Variants in ACTR3C observed in about 807,000 individuals in gnomAD.
ACTR3C encodes actin-related protein 3C.
A neutral mutation model predicts 26.3 loss-of-function variants in ACTR3C; 18 were observed. The observed-to-expected ratio is 0.68, with a 90% confidence interval of 0.47 to 1.01. ACTR3C has a LOEUF of 1.01. Ranked by LOEUF, ACTR3C falls within the 50% of genes least tolerant of loss-of-function variation. The pLI, the probability that ACTR3C is intolerant of heterozygous loss-of-function variation, is 0.00. For missense variants in ACTR3C, 184 were observed against 250.7 expected (o/e 0.73, Z 1.80); for synonymous variants, 55 against 94.5 (o/e 0.58, Z 2.42).
chr7:150,285,753 A>C (rs1178349378), intron 5 of ACTR3C, among the ~76,000 whole-genome samples: 1 of 152,238 alleles, frequency 6.6e-6, no homozygotes, highest in African/African-American at 2.4e-5. Flanking sequence ...AAATATAAAT[A>C]AAATGCATTA....
the ACTR3C span, among the ~76,000 whole-genome samples, chr7:150,041,946 C>T: frequency 4.7e-5 from 7 of 148,648 alleles, no homozygotes; most frequent in South Asian, 6.6e-4. Context: ...AGTAATCCCA[C>T]GTAAGGTACC....
chr7:150,152,397 T>C, the ACTR3C span, among the ~76,000 whole-genome samples: 1 of 152,200 alleles, frequency 6.6e-6, no homozygotes, highest in Non-Finnish European at 1.5e-5. Context: ...ATTGAGATAA[T>C]CATGTGGTTT....
the ACTR3C span, among the ~76,000 whole-genome samples, chr7:150,040,183 G>A: frequency 2.1e-3 from 304 of 148,082 alleles, 3 homozygotes; most frequent in South Asian, 0.022. Flanking sequence ...TTTGCTTCTT[G>A]TACTAGCAGG....
chr7:149,915,254 AT>A, the ACTR3C span, among the ~76,000 whole-genome samples: 4,415 of 152,092 alleles, frequency 0.029, 246 homozygotes, highest in African/African-American at 0.1. Context: ...CAATAAGGGA[AT>A]TAAAAAAGAT....
At chr7:150,039,378 G>A in the ACTR3C span, among the ~76,000 whole-genome samples, 3 of 99,802 alleles carry the variant, frequency 3.0e-5, no homozygotes, top group African/African-American at 5.8e-5. Flanking sequence ...CTGCGATGGG[G>A]GTCCTAAGAA....
At chr7:150,318,873 A>T (rs1797203375) in intron 1 of ACTR3C, among the ~76,000 whole-genome samples, 1 of 152,208 alleles carries the variant, frequency 6.6e-6, no homozygotes, top group South Asian at 2.1e-4. Flanking sequence ...AAACCATGTG[A>T]TTCTCATGCA....
At chr7:150,070,016 C>T in the ACTR3C span, among the ~76,000 whole-genome samples, 2 of 152,138 alleles carry the variant, frequency 1.3e-5, no homozygotes, top group African/African-American at 2.4e-5. Context: ...GGAACATGGA[C>T]GCCTTCCCAA....
chr7:150,258,839 C>G (rs1226056925), intron 6 of ACTR3C, among the ~76,000 whole-genome samples: 1 of 151,482 alleles, frequency 6.6e-6, no homozygotes, highest in East Asian at 1.9e-4. Context: ...AAAAGCTGGA[C>G]AGATCCTGGA....
At chr7:150,203,842 C>T in the ACTR3C span, among the ~76,000 whole-genome samples, 1 of 152,210 alleles carries the variant, frequency 6.6e-6, no homozygotes, top group Non-Finnish European at 1.5e-5. Flanking sequence ...GCTGGGATTG[C>T]AGGCATGAGC....
the ACTR3C span, among the ~76,000 whole-genome samples, chr7:150,019,747 G>A: frequency 6.6e-6 from 1 of 151,852 alleles, no homozygotes; most frequent in Non-Finnish European, 1.5e-5. Context: ...ACTGGCATTT[G>A]GGGTAGAGGC....
At chr7:149,964,410 G>A in the ACTR3C span, among the ~76,000 whole-genome samples, 7 of 152,310 alleles carry the variant, frequency 4.6e-5, no homozygotes, top group Non-Finnish European at 5.9e-5. Context: ...CAGAGGTGTC[G>A]TCATGGGAAG....
At chr7:150,287,206 G>A (rs866542250) in intron 4 of ACTR3C, among the ~76,000 whole-genome samples, 59 of 151,738 alleles carry the variant, frequency 3.9e-4, no homozygotes, top group African/African-American at 1.4e-3. Context: ...ACAAGGTAGC[G>A]AAACACACAG....
At chr7:150,292,682 A>T (rs113302152) in intron 3 of ACTR3C, among the ~76,000 whole-genome samples, 9,222 of 152,154 alleles carry the variant, frequency 0.061, 434 homozygotes, top group South Asian at 0.16. Context: ...TTTTTAGTAG[A>T]GACAGGGTTT....
chr7:149,890,291 T>G, the ACTR3C span, among the ~76,000 whole-genome samples: 1 of 150,922 alleles, frequency 6.6e-6, no homozygotes, highest in Non-Finnish European at 1.5e-5. Flanking sequence ...TAATTAATTT[T>G]AACTTGATGA....
chr7:150,212,873 G>C, the ACTR3C span, among the ~76,000 whole-genome samples: 1 of 151,342 alleles, frequency 6.6e-6, no homozygotes, highest in Non-Finnish European at 1.5e-5. Flanking sequence ...TTTGAGCCCT[G>C]GCTCTCTCAT....
At chr7:149,980,813 A>C in the ACTR3C span, among the ~76,000 whole-genome samples, 2 of 152,230 alleles carry the variant, frequency 1.3e-5, no homozygotes, top group Non-Finnish European at 2.9e-5. Flanking sequence ...GTTTTGTAAA[A>C]GGTAAGAATT....
At chr7:150,086,537 C>A in the ACTR3C span, among the ~76,000 whole-genome samples, 2 of 151,962 alleles carry the variant, frequency 1.3e-5, no homozygotes, top group Non-Finnish European at 2.9e-5. Context: ...CCTGCTTTCT[C>A]AAACACATTA....
the ACTR3C span, among the ~76,000 whole-genome samples, chr7:150,009,226 C>T: frequency 6.6e-6 from 1 of 152,326 alleles, no homozygotes; most frequent in East Asian, 1.9e-4. Flanking sequence ...GAGGGGCTTC[C>T]CATCACTCCA....
At chr7:150,042,645 C>T in the ACTR3C span, among the ~76,000 whole-genome samples, 247 of 151,726 alleles carry the variant, frequency 1.6e-3, 1 homozygote, top group South Asian at 0.014. Context: ...GGATCTCAGC[C>T]ATCACAAAAT....
Sources: allele counts gnomAD v4.1 joint callset (sites outside exome capture counted in the v4.1 genomes callset), GRCh38; gene constraint gnomAD v4.1.1; transcripts MANE v1.5; gene names NCBI Gene and HGNC (gene_info 2026-07-23, HGNC 2026-07-21).